The following TMLHE variants were observed in gnomAD, a reference collection of about 807,000 sequenced individuals.
TMLHE encodes the protein trimethyllysine dioxygenase, mitochondrial.
A neutral mutation model predicts 25.7 loss-of-function variants in TMLHE; 18 were observed. The ratio of observed to expected loss-of-function variants is 0.70; its 90% confidence interval spans 0.48 to 1.04. The LOEUF (loss-of-function observed/expected upper bound fraction) is 1.04, where lower values mean the gene tolerates loss of function less well. TMLHE is among the 50% of genes least tolerant of loss of function. The pLI is 0.00. For synonymous variants in TMLHE, 105 were observed against 97.0 expected, an observed-to-expected ratio of 1.08 and a Z score of -0.49; for missense variants, 236 against 259.0, an observed-to-expected ratio of 0.91 and a Z score of 0.61.
chrX:155,524,012 C>T (rs2067204056), intron 3 of TMLHE, among the ~76,000 whole-genome samples: 1 of 111,664 alleles, frequency 9.0e-6, no homozygotes, highest in South Asian at 3.7e-4. Flanking sequence ...TCTGACCTTA[C>T]TGAACTCATT....
chrX:155,609,192 G>A (rs1228860182), intron 1 of TMLHE, among the ~76,000 whole-genome samples: 1 of 112,168 alleles, frequency 8.9e-6, no homozygotes, highest in African/African-American at 3.2e-5. Flanking sequence ...TATACACCAT[G>A]GAATACTATG....
At position 155,550,786 on chromosome X, in the gene TMLHE, C is replaced by A. The variant is rs782750481; in HGVS notation, c.-1-5509G>T. On this transcript the variant is annotated intron_variant, in intron 1 of 7. Transcript: ENST00000334398. Reference sequence around the variant, plus strand: ...AAGTTCTGATGATCCGGCCCTGCCCCTAGAGACTGTGATTAAATATTTTGA... The same window carrying A: ...AAGTTCTGATGATCCGGCCCTGCCCATAGAGACTGTGATTAAATATTTTGA... 6.7e-4 allele frequency among the ~76,000 whole-genome samples: 74 copies of A among 110,320 alleles called. 1 individual carries two copies. The highest frequency in any genetic ancestry group is 4.5e-4 in the Non-Finnish European group (24 of 52,966).
At chrX:155,552,437 T>TC (rs2067421662) in intron 1 of TMLHE, among the ~76,000 whole-genome samples, 1 of 109,834 alleles carries the variant, frequency 9.1e-6, no homozygotes, top group East Asian at 2.8e-4. Flanking sequence ...CTTCTTGTGT[T>TC]CTTTTTGGTA....
intron 3 of TMLHE, among the ~76,000 whole-genome samples, chrX:155,522,830 C>A (rs1010431089): frequency 2.7e-5 from 3 of 111,349 alleles, no homozygotes; most frequent in East Asian, 5.6e-4. Context: ...CATTAATGTA[C>A]AGGGTTTTAT....
chrX:155,576,936 G>A (rs2067594208), intron 1 of TMLHE, among the ~76,000 whole-genome samples: 1 of 111,789 alleles, frequency 8.9e-6, no homozygotes, highest in Non-Finnish European at 1.9e-5. Context: ...TACCATTCTG[G>A]ACACAGGCCC....
At chrX:155,571,319 C>T (rs1557343067) in intron 1 of TMLHE, among the ~76,000 whole-genome samples, 1 of 55,236 alleles carries the variant, frequency 1.8e-5, no homozygotes, top group African/African-American at 4.4e-5. Flanking sequence ...CAATAACAGG[C>T]TCTGAAATTG....
rs1557341926 is a variant in TMLHE at position 155,562,414 on chromosome X, G to C, written c.-1-17137C>G. ...CATGAAACCTTTTTTTTTTCTCCTA[G>C]GCATCTGGGCCTGTGATGGGAGGGG... is the stretch of plus-strand genomic sequence containing the variant. On this transcript the variant is annotated intron_variant, in intron 1 of 7. Coordinates refer to ENST00000334398, the MANE Select transcript of TMLHE (RefSeq NM_018196.4). 3.3e-5 allele frequency among the ~76,000 whole-genome samples: 2 copies of C among 60,854 alleles called. 1 individual carries two copies. The highest frequency in any genetic ancestry group is 7.3e-5 in the African/African-American group (2 of 27,516). 52.8% of individuals were successfully genotyped at this position (60,854 alleles called of 115,157 possible).
chrX:155,528,333 AT>A (rs57421488), intron 2 of TMLHE, among the ~76,000 whole-genome samples: 2 of 107,740 alleles, frequency 1.9e-5, no homozygotes, highest in African/African-American at 3.4e-5. Context: ...ATCTTTTAAT[AT>A]TTTTTTTTAT....
chrX:155,507,905 C>A (rs896324923), intron 5 of TMLHE, among the ~76,000 whole-genome samples: 6 of 111,022 alleles, frequency 5.4e-5, no homozygotes, highest in South Asian at 3.8e-4. Context: ...AGAGCTTGAA[C>A]TCAGAAAGGG....
intron 1 of TMLHE, among the ~76,000 whole-genome samples, chrX:155,606,240 A>G (rs2124503526): frequency 9.0e-6 from 1 of 111,618 alleles, no homozygotes; most frequent in African/African-American, 3.3e-5. Context: ...GCATTTGATC[A>G]AGTGGAGCTA....
chrX:155,567,948 T>C (rs188761007), intron 1 of TMLHE, among the ~76,000 whole-genome samples: 846 of 61,607 alleles, frequency 0.014, 100 homozygotes, highest in African/African-American at 0.028. Flanking sequence ...TCTGAGGTAC[T>C]GGGTTCATCT....
At chrX:155,602,033 A>G (rs2067758873) in intron 1 of TMLHE, among the ~76,000 whole-genome samples, 1 of 111,286 alleles carries the variant, frequency 9.0e-6, no homozygotes, top group Non-Finnish European at 1.9e-5. Context: ...AACTCTCCCC[A>G]ACTAATTCTA....
At chrX:155,510,262 A>ATT (rs2067099145) in intron 5 of TMLHE, among the ~76,000 whole-genome samples, 2 of 108,687 alleles carry the variant, frequency 1.8e-5, no homozygotes, top group South Asian at 7.8e-4. Flanking sequence ...ATTTTATTTT[A>ATT]TTATACTTTA....
intron 5 of TMLHE, among the ~76,000 whole-genome samples, chrX:155,509,545 T>A (rs2067094394): frequency 8.9e-6 from 1 of 111,810 alleles, no homozygotes; most frequent in South Asian, 3.7e-4. Flanking sequence ...AGTCAGTATT[T>A]GAACCTCAAC....
At chrX:155,512,535 A>C (rs1438036950) in intron 4 of TMLHE, among the ~76,000 whole-genome samples, 1 of 110,757 alleles carries the variant, frequency 9.0e-6, no homozygotes, top group Non-Finnish European at 1.9e-5. Flanking sequence ...TCCATGGTGT[A>C]TATGTGCCAC....
rs190425224 is a variant in TMLHE at position 155,599,183 on chromosome X, G to A, written c.-2+13609C>T. ...AATAAAAAATTACACATGGATTTTC[G>A]ACTGTGCAAGAGTCAGAAGCCCTAA... On this transcript the variant is annotated intron_variant, in intron 1 of 7. Transcript: ENST00000334398. Among the ~76,000 whole-genome samples the A allele has an allele frequency of 4.5e-3, 500 of 111,907 alleles. 1 individual carries two copies. The highest frequency in any genetic ancestry group is 0.015 in the African/African-American group (468 of 30,790).
intron 2 of TMLHE, among the ~76,000 whole-genome samples, chrX:155,541,730 T>C (rs1335526240): frequency 3.6e-5 from 4 of 111,976 alleles, no homozygotes; most frequent in African/African-American, 1.3e-4. Flanking sequence ...TTTTTAATGA[T>C]TGCCAATCTA....
chrX:155,604,613 A>T (rs1294768251), intron 1 of TMLHE, among the ~76,000 whole-genome samples: 1 of 111,561 alleles, frequency 9.0e-6, no homozygotes, highest in Non-Finnish European at 1.9e-5. Flanking sequence ...GAAGCCCAAG[A>T]GTGTCAAGCC....
In TMLHE at chrX:155,527,700, A is replaced by G. The variant is rs1335600600; in HGVS notation, c.182-3068T>C. 3.6e-5 allele frequency among the ~76,000 whole-genome samples: 4 copies of G among 112,511 alleles called. No homozygotes were observed. In the Admixed American group the frequency reaches 3.8e-4, roughly 11 times the overall value. ...TAAGTTATGCCTTCATATAATTCAA[A>G]AAAAATAAATTTCTGATGGATTAAA... On this transcript the variant is annotated intron_variant, in intron 2 of 7. Transcript: ENST00000334398.
Sources: allele counts gnomAD v4.1 joint callset (sites outside exome capture counted in the v4.1 genomes callset), GRCh38; gene constraint gnomAD v4.1.1; transcripts MANE v1.5; gene names NCBI Gene and HGNC (gene_info 2026-07-23, HGNC 2026-07-21).